MAF: variants seen among roughly 807,000 people sequenced by gnomAD.
MAF encodes MAF bZIP transcription factor, also known as transcription factor Maf.
Under a neutral mutation model 22.0 loss-of-function variants are expected in MAF, and 10 were observed. The observed-to-expected ratio is 0.45, with a 90% confidence interval of 0.28 to 0.77. MAF has a LOEUF of 0.77. Among genes scored for constraint, MAF ranks in the 30% least tolerant of loss-of-function variants. The probability of loss-of-function intolerance (pLI) is 0.12; values close to 1 mark genes in which losing one functional copy is unlikely to be tolerated. For synonymous variants in MAF, 337 were observed against 255.8 expected (o/e 1.32, Z -3.03); for missense variants, 544 against 548.4 (o/e 0.99, Z 0.08).
the MAF span, among the ~76,000 whole-genome samples, chr16:79,256,174 G>C: frequency 2.0e-5 from 3 of 150,902 alleles, no homozygotes; most frequent in Non-Finnish European, 4.4e-5. Context: ...ATTTTTAGTA[G>C]AGACGGGATT....
the MAF span, among the ~76,000 whole-genome samples, chr16:79,245,883 AAG>A: frequency 6.6e-6 from 1 of 152,074 alleles, no homozygotes; most frequent in Non-Finnish European, 1.5e-5. Flanking sequence ...AGCCATAAAA[AAG>A]GATGAGTTCA....
At chr16:79,238,899 C>A in the MAF span, among the ~76,000 whole-genome samples, 1 of 151,932 alleles carries the variant, frequency 6.6e-6, no homozygotes, top group Non-Finnish European at 1.5e-5. Flanking sequence ...CCATCTTGAC[C>A]TGGACTTGTT....
the MAF span, among the ~76,000 whole-genome samples, chr16:79,528,356 C>T: frequency 6.6e-6 from 1 of 152,144 alleles, no homozygotes; most frequent in African/African-American, 2.4e-5. Context: ...TGGCTGGATG[C>T]ATCTAGCTTC....
At chr16:79,457,629 T>A in the MAF span, among the ~76,000 whole-genome samples, 1 of 152,186 alleles carries the variant, frequency 6.6e-6, no homozygotes, top group Admixed American at 6.5e-5. Flanking sequence ...TACATTTGTA[T>A]GTACTTCACC....
the MAF span, among the ~76,000 whole-genome samples, chr16:79,223,240 C>G: frequency 6.6e-6 from 1 of 152,156 alleles, no homozygotes; most frequent in Non-Finnish European, 1.5e-5. Context: ...TACATGGAAC[C>G]TGAACAACCT....
the MAF span, among the ~76,000 whole-genome samples, chr16:79,477,441 A>G: frequency 2.0e-5 from 3 of 152,244 alleles, no homozygotes; most frequent in East Asian, 5.8e-4. Context: ...TTGCGTAGGA[A>G]ACATCATTTG....
chr16:79,445,696 T>A, the MAF span, among the ~76,000 whole-genome samples: 2 of 152,106 alleles, frequency 1.3e-5, no homozygotes, highest in African/African-American at 4.8e-5. Flanking sequence ...GTCGACTGAT[T>A]GACAGCAAAG....
chr16:79,395,776 C>A, the MAF span, among the ~76,000 whole-genome samples: 1 of 152,174 alleles, frequency 6.6e-6, no homozygotes, highest in Non-Finnish European at 1.5e-5. Context: ...TTGTAAGCTG[C>A]CAACAAAGTT....
chr16:79,441,744 G>A, the MAF span, among the ~76,000 whole-genome samples: 1 of 152,192 alleles, frequency 6.6e-6, no homozygotes, highest in African/African-American at 2.4e-5. Context: ...AGATGTTTTG[G>A]GGGGTTCGGT....
chr16:79,293,512 G>A, the MAF span, among the ~76,000 whole-genome samples: 1 of 152,128 alleles, frequency 6.6e-6, no homozygotes, highest in Non-Finnish European at 1.5e-5. Flanking sequence ...CAAGAAACTT[G>A]GAGGTATATG....
At chr16:79,513,004 C>T in the MAF span, among the ~76,000 whole-genome samples, 2 of 152,258 alleles carry the variant, frequency 1.3e-5, no homozygotes, top group Non-Finnish European at 2.9e-5. Context: ...GACCACAGAG[C>T]TAGGTCTGCC....
chr16:79,332,823 A>C, the MAF span, among the ~76,000 whole-genome samples: 1 of 152,202 alleles, frequency 6.6e-6, no homozygotes, highest in Non-Finnish European at 1.5e-5. Context: ...CCTGTCTCCA[A>C]AGCCAGCACT....
the MAF span, among the ~76,000 whole-genome samples, chr16:79,421,909 C>T: frequency 1.3e-5 from 2 of 152,220 alleles, no homozygotes; most frequent in African/African-American, 4.8e-5. Context: ...TCCTGGGTAG[C>T]TGGGATCACA....
chr16:79,484,981 G>A, the MAF span, among the ~76,000 whole-genome samples: 2 of 152,332 alleles, frequency 1.3e-5, no homozygotes, highest in South Asian at 2.1e-4. Flanking sequence ...CCCCAGGTAA[G>A]CTGCTCAACT....
the MAF span, among the ~76,000 whole-genome samples, chr16:79,289,525 A>G: frequency 6.6e-6 from 1 of 152,134 alleles, no homozygotes; most frequent in African/African-American, 2.4e-5. Context: ...AATTCGCAGA[A>G]CATTTATAGG....
At chr16:79,222,796 G>C in the MAF span, among the ~76,000 whole-genome samples, 1 of 152,286 alleles carries the variant, frequency 6.6e-6, no homozygotes, top group East Asian at 1.9e-4. Flanking sequence ...TAATGGTAAA[G>C]GGATCAATGC....
the MAF span, among the ~76,000 whole-genome samples, chr16:79,325,327 C>T: frequency 2.5e-3 from 386 of 152,300 alleles, 3 homozygotes; most frequent in African/African-American, 8.4e-3. Context: ...TTATCACGTG[C>T]TTCCAGCTGG....
the MAF span, among the ~76,000 whole-genome samples, chr16:79,323,290 C>T: frequency 6.6e-6 from 1 of 150,646 alleles, no homozygotes; most frequent in Non-Finnish European, 1.5e-5. Context: ...GCAGGGAGCC[C>T]AGTTAGAATG....
the MAF span, among the ~76,000 whole-genome samples, chr16:79,487,011 G>T: frequency 6.6e-6 from 1 of 152,056 alleles, no homozygotes; most frequent in Non-Finnish European, 1.5e-5. Context: ...GTTTTGACTT[G>T]GTGGTCGAGG....
Sources: gnomAD v4.1 joint callset for allele counts (sites outside exome capture counted in the v4.1 genomes callset) on GRCh38, gnomAD v4.1.1 for gene constraint, MANE v1.5 for transcripts, NCBI Gene and HGNC (gene_info 2026-07-23, HGNC 2026-07-21) for gene names.